Variants in ORC5 observed in about 807,000 individuals in gnomAD.
ORC5 encodes origin recognition complex subunit 5, also known as protein phosphatase 1, regulatory subunit 117.
In ORC5, 39 loss-of-function variants were observed where a neutral mutation model predicts 58.8. The ratio of observed to expected loss-of-function variants is 0.66; its 90% CI spans 0.51 to 0.87. The LOEUF is 0.87. Among genes scored for constraint, ORC5 ranks in the 40% least tolerant of loss-of-function variants. The probability of loss-of-function intolerance (pLI) is 0.00; values close to 1 mark genes in which losing one functional copy is unlikely to be tolerated. For missense variants in ORC5, 493 were observed against 506.3 expected (o/e 0.97, Z 0.25); for synonymous variants, 218 against 177.6 (o/e 1.23, Z -1.81).
At chr7:104,155,180 C>T (rs1426351203) in intron 12 of ORC5, among the ~76,000 whole-genome samples, 1 of 151,610 alleles carries the variant, frequency 6.6e-6, no homozygotes, top group Non-Finnish European at 1.5e-5. Flanking sequence ...ATCGATGTAA[C>T]AAATAACTCC....
At chr7:104,174,395 T>C (rs1799278920) in intron 8 of ORC5, among the ~76,000 whole-genome samples, 2 of 152,174 alleles carry the variant, frequency 1.3e-5, no homozygotes, top group Admixed American at 1.3e-4. Flanking sequence ...GAGTGATTAA[T>C]AAGAAACAAA....
At chr7:104,193,004 T>C (rs1195954507) in intron 5 of ORC5, among the ~76,000 whole-genome samples, 3 of 151,836 alleles carry the variant, frequency 2.0e-5, no homozygotes, top group South Asian at 4.1e-4. Context: ...AACATAGCTA[T>C]AATGCAATCC....
chr7:104,164,767 G>A (rs1363166442), intron 11 of ORC5, among the ~76,000 whole-genome samples: 1 of 152,094 alleles, frequency 6.6e-6, no homozygotes, highest in Non-Finnish European at 1.5e-5. Flanking sequence ...AGATTCCTAA[G>A]GCCAAATTAG....
chr7:104,198,609 A>G (rs985211096), intron 3 of ORC5, among the ~76,000 whole-genome samples: 3 of 152,236 alleles, frequency 2.0e-5, no homozygotes, highest in Non-Finnish European at 4.4e-5. Flanking sequence ...AGATTATCTA[A>G]AACTGGAACT....
chr7:104,192,777 C>T (rs578258335), intron 5 of ORC5, among the ~76,000 whole-genome samples: 24 of 151,106 alleles, frequency 1.6e-4, no homozygotes, highest in South Asian at 1.5e-3. Flanking sequence ...TGCTCATATG[C>T]TCAAGGATAC....
At chr7:104,189,413 C>T (rs1799623580) in intron 5 of ORC5, among the ~76,000 whole-genome samples, 1 of 152,026 alleles carries the variant, frequency 6.6e-6, no homozygotes, top group East Asian at 1.9e-4. Flanking sequence ...GATTCAATTA[C>T]CTTCCAACAG....
Position 104,145,115 on chromosome 7 carries a change from T to TA in ORC5, c.1150-8223dup, listed in dbSNP as rs561970821. 2.2e-4 allele frequency among the ~76,000 whole-genome samples: 34 copies of TA among 152,288 alleles called. No homozygotes were observed. In the South Asian group the frequency reaches 3.5e-3, roughly 16 times the overall value. ...CAGTAAATATTGCTGAAAACCAAGATAAGACAAATAGCCTTCTTAGTTTGG... is the reference window on the plus strand; with the variant it reads ...CAGTAAATATTGCTGAAAACCAAGATAAAGACAAATAGCCTTCTTAGTTTGG... On this transcript the variant is annotated intron_variant, in intron 12 of 13. Transcript: ENST00000297431.
At chr7:104,161,850 C>A (rs766299179) in intron 11 of ORC5, among the ~76,000 whole-genome samples, 7 of 152,120 alleles carry the variant, frequency 4.6e-5, no homozygotes, top group Non-Finnish European at 1.0e-4. Context: ...AAGATAATAA[C>A]CAAACCAGAT....
chr7:104,143,925 C>T (rs1039218134), intron 12 of ORC5, among the ~76,000 whole-genome samples: 2 of 151,998 alleles, frequency 1.3e-5, no homozygotes, highest in African/African-American at 4.8e-5. Context: ...TTCAGATCAG[C>T]CTGGCCAACA....
chr7:104,202,526 T>G (rs1308997651), intron 2 of ORC5: 2 of 456,608 alleles, frequency 4.4e-6, no homozygotes, highest in South Asian at 1.5e-5. Flanking sequence ...CAGCATATTC[T>G]AAGTGCCTGT....
At chr7:104,203,861 G>C (rs575527590) in intron 2 of ORC5, among the ~76,000 whole-genome samples, 3 of 152,186 alleles carry the variant, frequency 2.0e-5, no homozygotes, top group Non-Finnish European at 4.4e-5. Context: ...CAATGGCTAG[G>C]ATTAAAGGTA....
At chr7:104,205,386 C>A (rs1348526818) in intron 1 of ORC5, among the ~76,000 whole-genome samples, 1 of 151,882 alleles carries the variant, frequency 6.6e-6, no homozygotes, top group Non-Finnish European at 1.5e-5. Context: ...CTGTGCCTGG[C>A]CTATTTTTTA....
intron 1 of ORC5, among the ~76,000 whole-genome samples, chr7:104,206,658 C>T (rs1055334511): frequency 6.6e-6 from 1 of 152,222 alleles, no homozygotes; most frequent in African/African-American, 2.4e-5. Context: ...TAATGCTTCA[C>T]AGGCCACCTC....
intron 12 of ORC5, among the ~76,000 whole-genome samples, chr7:104,139,527 G>C (rs1465794537): frequency 6.6e-6 from 1 of 151,894 alleles, no homozygotes; most frequent in Non-Finnish European, 1.5e-5. Flanking sequence ...CAAATTAAAG[G>C]GTGAACAGAT....
chr7:104,152,410 C>A (rs769438933), intron 12 of ORC5, among the ~76,000 whole-genome samples: 6 of 152,180 alleles, frequency 3.9e-5, no homozygotes, highest in Non-Finnish European at 7.4e-5. Context: ...TCTCAAAGCG[C>A]TGGGATTACA....
chr7:104,145,383 A>G (rs1798738705), intron 12 of ORC5, among the ~76,000 whole-genome samples: 1 of 152,184 alleles, frequency 6.6e-6, no homozygotes, highest in South Asian at 2.1e-4. Flanking sequence ...AAATTGAAAT[A>G]TTTTGCAGTA....
At position 104,136,774 on chromosome 7, in the gene ORC5, AT is replaced by A; in HGVS notation, c.1262+6del. ...AGTATATCATTACATAATTCAAGAC[AT>A]TTTACCTTGCAATAGCTCTGATGAA... On this transcript the variant is annotated splice_donor_region_variant and intron_variant, in intron 13 of 13. Transcript: ENST00000297431. This position sits in a 1 kb window ranked among gnomAD's most constrained non-coding sequence, Gnocchi z 4.2. 3 of 1,568,810 alleles carry A rather than the reference AT, an allele frequency of 1.9e-6. No individual in the cohort carries two copies. Among genetic ancestry groups the A allele is most frequent in the Non-Finnish European group, 2.6e-6 (3 of 1,139,102 alleles).
rs746070538 is a variant in ORC5, at chr7:104,200,866, T to A, written c.258A>T (p.Ser86=). Residue 86 remains serine, a synonymous_variant, in exon 3 of 14, where the codon TCA becomes TCT. Transcript: ENST00000297431. ...ILNKLNHLSS[S]EDGCSTEITC... ...TTATTTCAGTAGAACATCCATCCTC[T>A]GAAGAACTAAGATGATTCAATTTGT... 2.5e-6 allele frequency: 4 copies of A among 1,613,290 alleles called. No individual in the cohort carries two copies. The Middle Eastern group carries it at 6.6e-4, about 266-fold the overall frequency.
intron 4 of ORC5, among the ~76,000 whole-genome samples, chr7:104,196,668 C>T (rs147825835): frequency 2.6e-4 from 40 of 152,068 alleles, no homozygotes; most frequent in African/African-American, 9.6e-4. Flanking sequence ...AGCACTTCTC[C>T]CCAAGTATTT....
Sources: gnomAD v4.1 joint callset for allele counts (sites outside exome capture counted in the v4.1 genomes callset) on GRCh38, gnomAD v4.1.1 for gene constraint, Gnocchi (gnomAD v3.1) non-coding constraint, MANE v1.5 for transcripts, NCBI Gene and HGNC (gene_info 2026-07-23, HGNC 2026-07-21) for gene names.